Variants in ITGA8 observed in about 807,000 individuals in gnomAD.
ITGA8 encodes integrin subunit alpha 8, also known as integrin alpha-8.
In ITGA8, 91 loss-of-function variants were observed where a neutral mutation model predicts 142.3. The observed-to-expected ratio is 0.64, with a 90% CI of 0.54 to 0.76. The LOEUF is 0.76. Among genes scored for constraint, ITGA8 ranks in the 30% least tolerant of loss-of-function variants. The pLI, the probability that ITGA8 is intolerant of heterozygous loss-of-function variation, is 0.00. For missense variants in ITGA8, 1,406 were observed against 1,327.7 expected (o/e 1.06, Z -0.92); for synonymous variants, 505 against 485.2 (o/e 1.04, Z -0.54).
At chr10:15,705,848 C>T (rs1835248336) in intron 2 of ITGA8, among the ~76,000 whole-genome samples, 1 of 152,118 alleles carries the variant, frequency 6.6e-6, no homozygotes, top group Non-Finnish European at 1.5e-5. Flanking sequence ...TAACTGGTGG[C>T]TCCTTCCTTG....
chr10:15,707,847 G>GA (rs997687030), intron 2 of ITGA8, among the ~76,000 whole-genome samples: 8 of 148,984 alleles, frequency 5.4e-5, no homozygotes, highest in East Asian at 2.0e-4. Context: ...GAAAGAAAAA[G>GA]AAAAAAAAGA....
chr10:15,672,757 T>A lies in ITGA8; in HGVS notation c.677-8A>T, dbSNP rs1247487653. 4 of 1,593,762 alleles carry A rather than the reference T, an allele frequency of 2.5e-6. No individual in the cohort carries two copies. The highest frequency in any genetic ancestry group is 2.3e-5 in the East Asian group (1 of 43,420). ...TGGCAGTGATCACTTGTCCTGTGTT[T>A]AAACAAATTAATACGTTAACTGAAT... On this transcript the variant is annotated splice_region_variant and splice_polypyrimidine_tract_variant and intron_variant, in intron 6 of 29. Coordinates refer to ENST00000378076, the MANE Select transcript of ITGA8 (RefSeq NM_003638.3).
At chr10:15,689,204 G>A (rs1329486497) in intron 2 of ITGA8, among the ~76,000 whole-genome samples, 1 of 152,134 alleles carries the variant, frequency 6.6e-6, no homozygotes, top group Non-Finnish European at 1.5e-5. Flanking sequence ...AAAGTACTTA[G>A]GACAGATGGC....
At position 15,519,375 on chromosome 10, in the gene ITGA8, G is replaced by A. The variant is rs267602428; in HGVS notation, c.3020C>T (p.Ser1007Phe). Residue 1007 changes from serine to phenylalanine, a missense_variant, in exon 29 of 30, where the codon TCC (serine) becomes TTC (phenylalanine). Coordinates refer to ENST00000378076, the MANE Select transcript of ITGA8 (RefSeq NM_003638.3). Reference protein sequence around the residue: ...TSVIWATPNVSFSIPLWVIIL... With the variant: ...TSVIWATPNVFFSIPLWVIIL... ...TATTACCCATAATGGGATTGAGAAG[G>A]AAACATTCGGAGTTGCCCAAATAAC... The A allele has an allele frequency of 6.2e-7, 1 of 1,613,722 alleles. No homozygotes were observed. The highest frequency in any genetic ancestry group is 8.5e-7 in the Non-Finnish European group (1 of 1,179,756).
intron 26 of ITGA8, among the ~76,000 whole-genome samples, chr10:15,557,179 A>G (rs1833902400): frequency 6.6e-6 from 1 of 152,136 alleles, no homozygotes; most frequent in Admixed American, 6.5e-5. Context: ...TCAGGAGTTC[A>G]AGACCAGCCT....
chr10:15,693,212 C>T (rs58073959), intron 2 of ITGA8, among the ~76,000 whole-genome samples: 23,115 of 152,162 alleles, frequency 0.15, 1,910 homozygotes, highest in South Asian at 0.21. Flanking sequence ...TTTCAAAAGA[C>T]ATTTGTACTA....
rs182364202 is a variant in ITGA8, at chr10:15,549,082, A to C, written c.2767-514T>G. On this transcript the variant is annotated intron_variant, in intron 26 of 29. Coordinates refer to ENST00000378076, the MANE Select transcript of ITGA8 (RefSeq NM_003638.3). The stretch of plus-strand genomic sequence containing the variant: ...GGCTATTTTTTAATAGGTTTCTAGA[A>C]TTGCCCAGCGTATAATGAATAACCT... Among the ~76,000 whole-genome samples the C allele has an allele frequency of 3.4e-4, 51 of 152,090 alleles. 2 individuals carry two copies. Among genetic ancestry groups the C allele is most frequent in the Admixed American group, 9.2e-4 (14 of 15,278 alleles).
At chr10:15,524,595 G>A (rs952508741) in intron 28 of ITGA8, among the ~76,000 whole-genome samples, 7 of 152,164 alleles carry the variant, frequency 4.6e-5, no homozygotes, top group African/African-American at 1.4e-4. Flanking sequence ...AAATGGCAAT[G>A]GGGCATTCCA....
At chr10:15,545,897 T>C (rs982999911) in intron 27 of ITGA8, among the ~76,000 whole-genome samples, 1 of 152,212 alleles carries the variant, frequency 6.6e-6, no homozygotes, top group Non-Finnish European at 1.5e-5. Flanking sequence ...AATTTTGTAG[T>C]GGTCCATTGC....
At chr10:15,655,266 A>G (rs1340128503) in intron 11 of ITGA8, 88 bp downstream of exon 11, 3 of 882,638 alleles carry the variant, frequency 3.4e-6, no homozygotes, top group Admixed American at 4.7e-5. Context: ...TTGAGGCAAT[A>G]AGGAAGGGTG....
chr10:15,658,934 A>T (rs1327218820), intron 10 of ITGA8, 65 bp downstream of exon 10: 3 of 1,040,356 alleles, frequency 2.9e-6, no homozygotes, highest in Non-Finnish European at 2.9e-6. Context: ...AATAACTGAT[A>T]TGAATATTAT....
intron 27 of ITGA8, among the ~76,000 whole-genome samples, chr10:15,540,451 C>G (rs2131551071): frequency 6.6e-6 from 1 of 152,288 alleles, no homozygotes; most frequent in Admixed American, 6.5e-5. Context: ...TCCATGTTCT[C>G]TCCTCAGTTT....
chr10:15,699,955 T>C (rs1210622256), intron 2 of ITGA8, among the ~76,000 whole-genome samples: 1 of 152,254 alleles, frequency 6.6e-6, no homozygotes, highest in Non-Finnish European at 1.5e-5. Context: ...CACTTTTTTC[T>C]TTCTGTGAAG....
At chr10:15,519,747 C>G (rs984982390) in intron 28 of ITGA8, among the ~76,000 whole-genome samples, 12 of 151,994 alleles carry the variant, frequency 7.9e-5, no homozygotes, top group Non-Finnish European at 5.9e-5. Flanking sequence ...GGAACAATGG[C>G]CAAAAGTAGA....
intron 11 of ITGA8, 30 bp from the exon 12 acceptor site, chr10:15,647,081 C>T (rs370666428): frequency 7.8e-6 from 12 of 1,546,976 alleles, no homozygotes; most frequent in East Asian, 4.5e-5. Context: ...CAGCTCAGCA[C>T]GCTAGCAGAG....
chr10:15,714,775 C>A (rs1357656842), intron 2 of ITGA8, among the ~76,000 whole-genome samples: 1 of 152,102 alleles, frequency 6.6e-6, no homozygotes, highest in Non-Finnish European at 1.5e-5. Flanking sequence ...AGGATCTCAA[C>A]TGGACTCTGG....
chr10:15,537,407 T>G (rs766642321), intron 27 of ITGA8, among the ~76,000 whole-genome samples: 3 of 152,220 alleles, frequency 2.0e-5, no homozygotes, highest in Non-Finnish European at 4.4e-5. Flanking sequence ...GTACCCGTCT[T>G]TCCCATATCT....
chr10:15,625,576 C>T (rs1396713827), intron 13 of ITGA8, among the ~76,000 whole-genome samples: 5 of 152,168 alleles, frequency 3.3e-5, no homozygotes, highest in Non-Finnish European at 5.9e-5. Context: ...AAGATGCTTC[C>T]CTGACACCTA....
Position 15,718,752 on chromosome 10 carries a change from C to T in ITGA8, c.343+14G>A. 2 of 1,613,402 alleles carry T rather than the reference C, an allele frequency of 1.2e-6. No individual in the cohort carries two copies. Among genetic ancestry groups the T allele is most frequent in the African/African-American group, 1.3e-5 (1 of 74,984 alleles). On this transcript the variant is annotated intron_variant, in intron 2 of 29. Transcript: ENST00000378076. ...AACCCAGGCCCACAGCTTAGAAGGACAAATCTCACTTACTGGTGGTGTCAA... is the reference window on the plus strand; with the variant it reads ...AACCCAGGCCCACAGCTTAGAAGGATAAATCTCACTTACTGGTGGTGTCAA...
Sources: gnomAD v4.1 joint callset for allele counts (sites outside exome capture counted in the v4.1 genomes callset) on GRCh38, gnomAD v4.1.1 for gene constraint, MANE v1.5 for transcripts, NCBI Gene and HGNC (gene_info 2026-07-23, HGNC 2026-07-21) for gene names.